Variants in TMEM132B observed in about 807,000 individuals in gnomAD.
TMEM132B encodes transmembrane protein 132B.
In TMEM132B, 18 loss-of-function variants were observed where a neutral mutation model predicts 90.8. That is an observed-to-expected ratio of 0.20 (90% CI 0.14 to 0.29). The LOEUF is 0.29. Ranked by LOEUF, TMEM132B falls within the 10% of genes least tolerant of loss-of-function variation. The pLI, the probability that TMEM132B is intolerant of heterozygous loss-of-function variation, is 1.00. For missense variants in TMEM132B, 1,096 were observed against 1,326.8 expected (o/e 0.83, Z 2.70); for synonymous variants, 504 against 523.3 (o/e 0.96, Z 0.50).
At chr12:125,515,924 CCT>C (rs1883142154) in intron 3 of TMEM132B, among the ~76,000 whole-genome samples, 1 of 151,544 alleles carries the variant, frequency 6.6e-6, no homozygotes, top group Non-Finnish European at 1.5e-5. Context: ...ATGTACATAT[CCT>C]ATTTCTCTGT....
rs1160605050 is a variant in TMEM132B at position 125,432,548 on chromosome 12, G to GAT, written c.1106+16872_1106+16873insTA. On this transcript the variant is annotated intron_variant, in intron 3 of 8. Coordinates refer to ENST00000682704, the MANE Select transcript of TMEM132B (RefSeq NM_001366854.1). ...ATATATAGAGAGAGAGAGAGAGAGA[G>GAT]AGAGAGAGAGAGAGAGAGAAAGAGA... Among the ~76,000 whole-genome samples, 44 of 129,226 alleles carry GAT rather than the reference G, an allele frequency of 3.4e-4. 10 individuals carry two copies. The highest frequency in any genetic ancestry group is 1.8e-3 in the East Asian group (8 of 4,358). The allele number at this position is 129,226 out of a possible 152,430, so 84.8% of individuals were successfully genotyped here. A position where few individuals can be genotyped will look rare whatever the true frequency, so the allele number is the denominator to read the frequency against.
At chr12:125,564,180 C>T (rs1381321904) in intron 4 of TMEM132B, among the ~76,000 whole-genome samples, 1 of 152,170 alleles carries the variant, frequency 6.6e-6, no homozygotes, top group African/African-American at 2.4e-5. Context: ...AAACACTATT[C>T]ATGAGAGCGA....
At chr12:125,536,611 A>G (rs1883804290) in intron 4 of TMEM132B, among the ~76,000 whole-genome samples, 1 of 152,252 alleles carries the variant, frequency 6.6e-6, no homozygotes, top group African/African-American at 2.4e-5. Context: ...ATTGCCTGGC[A>G]CATGGTAGAT....
chr12:125,514,276 C>T (rs61943467), intron 3 of TMEM132B, among the ~76,000 whole-genome samples: 11,276 of 151,940 alleles, frequency 0.074, 468 homozygotes, highest in Non-Finnish European at 0.086. Flanking sequence ...AACAAATACT[C>T]ATTGAACTCC....
intron 5 of TMEM132B, among the ~76,000 whole-genome samples, chr12:125,637,333 T>G (rs1886510046): frequency 6.6e-6 from 1 of 152,152 alleles, no homozygotes; most frequent in Admixed American, 6.5e-5. Flanking sequence ...GATCTGAACT[T>G]ATTTCTTTAG....
intron 3 of TMEM132B, among the ~76,000 whole-genome samples, chr12:125,505,184 A>AAAAC (rs1882811512): frequency 6.9e-6 from 1 of 144,234 alleles, no homozygotes; most frequent in African/African-American, 2.5e-5. Flanking sequence ...AAAAAAAAAA[A>AAAAC]AAAAAAAAAA....
chr12:125,629,271 A>G (rs1670281597), intron 5 of TMEM132B, among the ~76,000 whole-genome samples: 1 of 152,000 alleles, frequency 6.6e-6, no homozygotes, highest in Admixed American at 6.6e-5. Context: ...CTTCCAGCAC[A>G]TGAACGTAGA....
rs75118069 is a variant in TMEM132B, at chr12:125,620,407, A to C, written c.1438-23669A>C. On this transcript the variant is annotated intron_variant, in intron 5 of 8. Transcript: ENST00000682704. Reference sequence around the variant, plus strand: ...GCCAGTCATGCCTATGAAAGTTATAAATCTTCAGCAAGTGAGCCTCCTTCC... The same window carrying C: ...GCCAGTCATGCCTATGAAAGTTATACATCTTCAGCAAGTGAGCCTCCTTCC... Among the ~76,000 whole-genome samples the C allele has an allele frequency of 1.3e-4, 20 of 152,330 alleles. No individual in the cohort carries two copies. The East Asian group carries it at 3.7e-3, about 28-fold the overall frequency.
At chr12:125,253,373 T>C (rs1874357797) in intron 1 of TMEM132B, among the ~76,000 whole-genome samples, 1 of 152,126 alleles carries the variant, frequency 6.6e-6, no homozygotes, top group Non-Finnish European at 1.5e-5. Context: ...AGCCTATTTA[T>C]TGAGCACAGT....
intron 3 of TMEM132B, among the ~76,000 whole-genome samples, chr12:125,470,002 T>G (rs2136494303): frequency 6.6e-6 from 1 of 150,750 alleles, no homozygotes; most frequent in African/African-American, 2.5e-5. Context: ...TACAATTTAT[T>G]TTGCTTTCCA....
At chr12:125,361,373 AG>A (rs1256309989) in intron 2 of TMEM132B, among the ~76,000 whole-genome samples, 1 of 152,164 alleles carries the variant, frequency 6.6e-6, no homozygotes, top group Non-Finnish European at 1.5e-5. Context: ...CCCACTTCAA[AG>A]CTCATGCCTC....
intron 3 of TMEM132B, among the ~76,000 whole-genome samples, chr12:125,437,414 T>G (rs1321022894): frequency 6.6e-6 from 1 of 152,216 alleles, no homozygotes; most frequent in Non-Finnish European, 1.5e-5. Flanking sequence ...AGTTTTTGTT[T>G]GAACACCTGT....
chr12:125,192,854 C>A (rs1646236142), intron 1 of TMEM132B, among the ~76,000 whole-genome samples: 2 of 152,304 alleles, frequency 1.3e-5, no homozygotes, highest in African/African-American at 4.8e-5. Context: ...ATTGGGAGAT[C>A]TTGGAATACT....
At chr12:125,545,788 T>C (rs910978091) in intron 4 of TMEM132B, among the ~76,000 whole-genome samples, 1 of 152,116 alleles carries the variant, frequency 6.6e-6, no homozygotes, top group Non-Finnish European at 1.5e-5. Flanking sequence ...TCCTGGTGGG[T>C]TCTTTGAATC....
At position 125,349,933 on chromosome 12, in the gene TMEM132B, G is replaced by A. The variant is rs1156461079; in HGVS notation, c.549G>A (p.Gly183=). 5.6e-6 allele frequency: 9 copies of A among 1,614,186 alleles called. 1 individual carries two copies. In the South Asian group the frequency reaches 8.8e-5, roughly 16 times the overall value. The change falls in exon 2 of 9, where the codon GGG becomes GGA. Residue 183 remains glycine, a synonymous_variant. Coordinates refer to ENST00000682704, the MANE Select transcript of TMEM132B (RefSeq NM_001366854.1). This position sits in a 1 kb window ranked among gnomAD's most constrained non-coding sequence, Gnocchi z 4.1. The part of the protein sequence containing the change: ...REVAASCRLQ[G]APGLCVAELE... ...TGGCAGCCAGCTGTCGGCTGCAAGG[G>A]GCCCCAGGGCTGTGTGTGGCTGAGC...
chr12:125,567,474 A>T (rs994705893), intron 4 of TMEM132B, among the ~76,000 whole-genome samples: 2 of 151,846 alleles, frequency 1.3e-5, no homozygotes, highest in South Asian at 2.1e-4. Context: ...CGCTTCATCC[A>T]TCGGTCCATG....
In TMEM132B at chr12:125,266,747, T is replaced by C. The variant is rs906490429; in HGVS notation, c.67+79881T>C. On this transcript the variant is annotated intron_variant, in intron 1 of 8. Transcript: ENST00000682704. ...TTGAAAGTATTAGATATTTGGAATT[T>C]ATTTTAGCATCAGGGTGATTTTGGG... Among the ~76,000 whole-genome samples the C allele has an allele frequency of 2.0e-5, 3 of 152,350 alleles. No homozygotes were observed. In the South Asian group the frequency reaches 6.2e-4, roughly 32 times the overall value.
At chr12:125,479,771 A>G (rs954290579) in intron 3 of TMEM132B, among the ~76,000 whole-genome samples, 5 of 152,246 alleles carry the variant, frequency 3.3e-5, no homozygotes, top group African/African-American at 1.2e-4. Context: ...ATAGACATCT[A>G]CAGAACTCTC....
Position 125,644,274 on chromosome 12 carries a change from A to G in TMEM132B, c.1636A>G (p.Asn546Asp). The G allele has an allele frequency of 6.2e-7, 1 of 1,614,154 alleles. No individual in the cohort carries two copies. Among genetic ancestry groups the G allele is most frequent in the South Asian group, 1.1e-5 (1 of 91,080 alleles). ...IKGWRIPVAA[N>D]RRPTRESDDE... is the part of the protein sequence containing the mutation. Reference sequence around the variant, plus strand: ...GGGCTGGAGGATCCCGGTTGCTGCCAACAGAAGGTGAGGAATCAAAGAGAA... The same window carrying G: ...GGGCTGGAGGATCCCGGTTGCTGCCGACAGAAGGTGAGGAATCAAAGAGAA... Residue 546 changes from asparagine (N) to aspartate (D), a missense_variant, in exon 6 of 9, where the codon AAC becomes GAC. Asn to Asp is a conservative substitution (Grantham distance 23). Transcript: ENST00000682704.
Sources: gnomAD v4.1 joint callset for allele counts (sites outside exome capture counted in the v4.1 genomes callset) on GRCh38, gnomAD v4.1.1 for gene constraint, Gnocchi (gnomAD v3.1) non-coding constraint, MANE v1.5 for transcripts, NCBI Gene and HGNC (gene_info 2026-07-23, HGNC 2026-07-21) for gene names.